The following CNIH1 variants were observed in gnomAD, a reference collection of about 807,000 sequenced individuals.
CNIH1 encodes protein cornichon homolog 1.
CNIH1 carries 12 observed loss-of-function variants against 20.2 expected under a neutral mutation model. The observed-to-expected ratio is 0.59, with a 90% confidence interval of 0.38 to 0.96. CNIH1 has a LOEUF of 0.96. Among genes scored for constraint, CNIH1 ranks in the 40% least tolerant of loss-of-function variants. The pLI, the probability that CNIH1 is intolerant of heterozygous loss-of-function variation, is 0.00. For synonymous variants in CNIH1, 69 were observed against 63.3 expected (o/e 1.09, Z -0.43); for missense variants, 152 against 178.8 (o/e 0.85, Z 0.85).
At chr14:54,434,097 C>A (rs753091653) in intron 2 of CNIH1, among the ~76,000 whole-genome samples, 110 of 152,154 alleles carry the variant, frequency 7.2e-4, no homozygotes, top group South Asian at 3.7e-3. Context: ...TTTAAACATG[C>A]AAAATATAAT....
intron 3 of CNIH1, among the ~76,000 whole-genome samples, chr14:54,430,828 G>T (rs1233390539): frequency 1.3e-5 from 2 of 151,260 alleles, no homozygotes; most frequent in Admixed American, 6.6e-5. Flanking sequence ...TTTTTGTTTT[G>T]TTTTTTTGTT....
intron 3 of CNIH1, 42 bp downstream of exon 3, chr14:54,432,066 G>A: frequency 3.7e-6 from 4 of 1,074,834 alleles, no homozygotes; most frequent in Non-Finnish European, 5.1e-6. Flanking sequence ...GTATATTTAA[G>A]TTTTAATTTA....
At chr14:54,435,514 C>T (rs921612073) in intron 2 of CNIH1, among the ~76,000 whole-genome samples, 1 of 152,164 alleles carries the variant, frequency 6.6e-6, no homozygotes, top group African/African-American at 2.4e-5. Flanking sequence ...AGTAGATACA[C>T]ACTAGAAATA....
chr14:54,437,327 T>C (rs1022551147), intron 1 of CNIH1, among the ~76,000 whole-genome samples: 66 of 152,246 alleles, frequency 4.3e-4, no homozygotes, highest in African/African-American at 1.6e-3. Flanking sequence ...AGGAATAGTA[T>C]CTTTATATGT....
chr14:54,431,668 C>T (rs1156280860), intron 3 of CNIH1, among the ~76,000 whole-genome samples: 1 of 152,120 alleles, frequency 6.6e-6, no homozygotes, highest in East Asian at 1.9e-4. Flanking sequence ...ACATACTGTA[C>T]ATTTTGACTT....
chr14:54,438,550 A>C (rs2031101184), intron 1 of CNIH1, among the ~76,000 whole-genome samples: 1 of 152,230 alleles, frequency 6.6e-6, no homozygotes, highest in Non-Finnish European at 1.5e-5. Flanking sequence ...TTTTTCAAAC[A>C]ATCTATGCTC....
chr14:54,435,923 CAT>C (rs2031045911), intron 2 of CNIH1, among the ~76,000 whole-genome samples: 1 of 152,166 alleles, frequency 6.6e-6, no homozygotes, highest in Non-Finnish European at 1.5e-5. Context: ...GGCCAGCAAG[CAT>C]ATATTTGCAT....
intron 1 of CNIH1, 52 bp downstream of exon 1, chr14:54,441,195 A>C: frequency 1.4e-6 from 2 of 1,458,018 alleles, no homozygotes; most frequent in Non-Finnish European, 1.8e-6. Context: ...CCCGGGGCGA[A>C]AAGAGGCTGT....
rs887780824 is a variant in CNIH1 at position 54,424,283 on chromosome 14, T to C, written c.*3531A>G. 6.6e-6 allele frequency: 1 copy of C among 152,256 alleles called. No homozygotes were observed. Among genetic ancestry groups the C allele is most frequent in the Non-Finnish European group, 1.5e-5 (1 of 68,046 alleles). 9.4% of individuals were successfully genotyped at this position (152,256 alleles called of 1,614,324 possible). On this transcript the variant is annotated 3_prime_UTR_variant, in exon 5 of 5. Transcript: ENST00000216416. ...TTTATGAGCAATGCTAGATAAGGTA[T>C]CCATGTTTTTCTTTCCCCTGAAGAA...
intron 2 of CNIH1, among the ~76,000 whole-genome samples, chr14:54,435,676 T>C (rs1353348191): frequency 6.6e-6 from 1 of 152,144 alleles, no homozygotes; most frequent in African/African-American, 2.4e-5. Flanking sequence ...AATGACTCAT[T>C]TATTCCAGAA....
intron 3 of CNIH1, 53 bp from the exon 4 acceptor site, chr14:54,430,457 T>C: frequency 6.5e-7 from 1 of 1,535,386 alleles, no homozygotes; most frequent in East Asian, 2.3e-5. Context: ...AATGTTCAGA[T>C]AAGAAAGCAG....
chr14:54,439,510 C>G (rs1201329615), intron 1 of CNIH1, among the ~76,000 whole-genome samples: 1 of 151,932 alleles, frequency 6.6e-6, no homozygotes, highest in African/African-American at 2.4e-5. Context: ...TGACTTAAAG[C>G]TACATCTACA....
At chr14:54,440,028 T>C (rs1350783073) in intron 1 of CNIH1, among the ~76,000 whole-genome samples, 1 of 152,228 alleles carries the variant, frequency 6.6e-6, no homozygotes, top group African/African-American at 2.4e-5. Context: ...CCTACATAAG[T>C]ATTCCTGATT....
At chr14:54,436,187 A>C (rs986891678) in intron 2 of CNIH1, 182 bp downstream of exon 2, 1 of 706,828 alleles carries the variant, frequency 1.4e-6, no homozygotes, top group Non-Finnish European at 2.6e-6. Flanking sequence ...TGACAAGATC[A>C]CCAGCAGATT....
chr14:54,436,715 CT>C, intron 1 of CNIH1: 1 of 513,948 alleles, frequency 1.9e-6, no homozygotes, highest in South Asian at 1.7e-5. Flanking sequence ...GTTATTTCAA[CT>C]TATCTCTACT....
chr14:54,433,543 T>C (rs570200327), intron 2 of CNIH1, among the ~76,000 whole-genome samples: 75 of 152,306 alleles, frequency 4.9e-4, no homozygotes, highest in African/African-American at 1.7e-3. Context: ...AAGATCAAAG[T>C]TCTCTAAACA....
intron 1 of CNIH1, among the ~76,000 whole-genome samples, chr14:54,437,402 G>A (rs986133559): frequency 6.6e-6 from 1 of 151,964 alleles, no homozygotes; most frequent in Non-Finnish European, 1.5e-5. Context: ...TAACATGACT[G>A]TTTATTTCCC....
chr14:54,437,244 G>C (rs1456401993), intron 1 of CNIH1, among the ~76,000 whole-genome samples: 1 of 152,160 alleles, frequency 6.6e-6, no homozygotes, highest in Non-Finnish European at 1.5e-5. Flanking sequence ...AAGTTGATGG[G>C]GGAGCCATTT....
chr14:54,429,737 G>A (rs971986931), intron 4 of CNIH1, among the ~76,000 whole-genome samples: 2 of 152,010 alleles, frequency 1.3e-5, no homozygotes, highest in Admixed American at 1.3e-4. Flanking sequence ...TCTAGCCTGG[G>A]CAACAGAGAC....
Sources: allele counts gnomAD v4.1 joint callset (sites outside exome capture counted in the v4.1 genomes callset), GRCh38; gene constraint gnomAD v4.1.1; transcripts MANE v1.5; gene names NCBI Gene and HGNC (gene_info 2026-07-23, HGNC 2026-07-21).